Variants in BBX observed in about 807,000 individuals in gnomAD.
The protein encoded by BBX is HMG box transcription factor BBX.
In BBX, 30 loss-of-function variants were observed where a neutral mutation model predicts 100.2. That is an observed-to-expected ratio of 0.30 (90% CI 0.22 to 0.41). BBX has a LOEUF of 0.41. BBX is among the 10% of genes least tolerant of loss of function. BBX has a pLI of 1.00. For missense variants in BBX, 1,023 were observed against 1,129.8 expected (o/e 0.91, Z 1.35); for synonymous variants, 376 against 388.1 (o/e 0.97, Z 0.37).
intron 2 of BBX, among the ~76,000 whole-genome samples, chr3:107,539,481 T>G (rs2048728350): frequency 6.6e-6 from 1 of 152,126 alleles, no homozygotes; most frequent in African/African-American, 2.4e-5. Flanking sequence ...AATGCTTACT[T>G]AATCTATCAG....
intron 3 of BBX, among the ~76,000 whole-genome samples, chr3:107,687,427 G>A (rs1168817564): frequency 6.6e-6 from 1 of 151,998 alleles, no homozygotes; most frequent in Non-Finnish European, 1.5e-5. Context: ...ATGGAGAGGG[G>A]GGAATGGAGA....
At chr3:107,753,277 C>T (rs2065213535) in intron 9 of BBX, among the ~76,000 whole-genome samples, 1 of 152,138 alleles carries the variant, frequency 6.6e-6, no homozygotes, top group Non-Finnish European at 1.5e-5. Flanking sequence ...CCTTCCTTCC[C>T]TCAAATTAAG....
chr3:107,591,779 G>A (rs1464571838), intron 2 of BBX, among the ~76,000 whole-genome samples: 5 of 152,242 alleles, frequency 3.3e-5, no homozygotes, highest in South Asian at 2.1e-4. Context: ...TGAGCTGCCC[G>A]GCCAGTAAAT....
At chr3:107,798,287 T>C (rs1241112617) in intron 15 of BBX, among the ~76,000 whole-genome samples, 1 of 152,098 alleles carries the variant, frequency 6.6e-6, no homozygotes, top group Non-Finnish European at 1.5e-5. Context: ...ACTTAGAAAA[T>C]GTAAAAAAGA....
chr3:107,754,655 C>A (rs1307785685), intron 9 of BBX, among the ~76,000 whole-genome samples: 1 of 152,062 alleles, frequency 6.6e-6, no homozygotes, highest in Non-Finnish European at 1.5e-5. Context: ...TCTGTGGTCA[C>A]CTTTAAGGAT....
At chr3:107,724,160 A>G (rs977727134) in intron 5 of BBX, among the ~76,000 whole-genome samples, 25 of 152,222 alleles carry the variant, frequency 1.6e-4, no homozygotes, top group Non-Finnish European at 3.1e-4. Flanking sequence ...TCTGATGGCC[A>G]GTGATGGTGA....
intron 2 of BBX, among the ~76,000 whole-genome samples, chr3:107,587,446 C>T (rs569180721): frequency 6.6e-6 from 1 of 151,674 alleles, no homozygotes; most frequent in South Asian, 2.1e-4. Flanking sequence ...TTTAAATAAT[C>T]TACCCTAGAA....
At chr3:107,570,365 A>G (rs1238849823) in intron 2 of BBX, among the ~76,000 whole-genome samples, 2 of 152,132 alleles carry the variant, frequency 1.3e-5, no homozygotes, top group Non-Finnish European at 2.9e-5. Context: ...GGGTTGGGTA[A>G]TAAAATGCAT....
intron 3 of BBX, among the ~76,000 whole-genome samples, chr3:107,672,504 G>A (rs1216767002): frequency 6.6e-6 from 1 of 152,012 alleles, no homozygotes; most frequent in East Asian, 1.9e-4. Flanking sequence ...AAGCTGTGTT[G>A]TACTATCGCC....
chr3:107,660,469 A>C (rs1278958620), intron 3 of BBX, among the ~76,000 whole-genome samples: 1 of 147,734 alleles, frequency 6.8e-6, no homozygotes, highest in East Asian at 2.0e-4. Context: ...GCCATCATGT[A>C]ATTTTTTTAA....
intron 2 of BBX, among the ~76,000 whole-genome samples, chr3:107,581,817 T>C (rs1576380995): frequency 6.6e-6 from 1 of 152,194 alleles, no homozygotes; most frequent in South Asian, 2.1e-4. Flanking sequence ...CTATGTCCTC[T>C]AGGGAATAGT....
chr3:107,805,550 T>C lies in BBX; in HGVS notation c.*93T>C, dbSNP rs766788580. The C allele has an allele frequency of 2.2e-5, 35 of 1,604,940 alleles. No homozygotes were observed. In the Admixed American group the frequency reaches 3.4e-4, roughly 16 times the overall value. On this transcript the variant is annotated 3_prime_UTR_variant, in exon 18 of 18. Transcript: ENST00000325805. ...TAGTGAGTCCAAGTGGTGGAAAATATAGACTGCAAACAAGTGCTTGTTGCC... is the reference window on the plus strand; with the variant it reads ...TAGTGAGTCCAAGTGGTGGAAAATACAGACTGCAAACAAGTGCTTGTTGCC...
At chr3:107,603,418 G>A (rs1231297093) in intron 2 of BBX, among the ~76,000 whole-genome samples, 9 of 149,662 alleles carry the variant, frequency 6.0e-5, no homozygotes, top group Admixed American at 4.6e-4. Flanking sequence ...TCGCTCTGTC[G>A]CCCAGGCTGG....
At chr3:107,664,404 C>T (rs879365747) in intron 3 of BBX, among the ~76,000 whole-genome samples, 3 of 152,066 alleles carry the variant, frequency 2.0e-5, no homozygotes, top group Admixed American at 6.6e-5. Context: ...ATATGTTCAC[C>T]ATATCTTTAG....
intron 5 of BBX, among the ~76,000 whole-genome samples, chr3:107,721,295 A>C (rs1026027923): frequency 6.6e-6 from 1 of 152,008 alleles, no homozygotes; most frequent in African/African-American, 2.4e-5. Context: ...TGTTTTGTCT[A>C]TATAGTAATT....
chr3:107,589,450 A>T (rs1198406923), intron 2 of BBX, among the ~76,000 whole-genome samples: 1 of 152,156 alleles, frequency 6.6e-6, no homozygotes, highest in Non-Finnish European at 1.5e-5. Context: ...TTGCTTCCAG[A>T]TTACCCTATT....
chr3:107,575,751 C>G (rs1576361494), intron 2 of BBX, among the ~76,000 whole-genome samples: 1 of 151,870 alleles, frequency 6.6e-6, no homozygotes, highest in East Asian at 1.9e-4. Flanking sequence ...TAAATAATTT[C>G]AATAGGCAGT....
intron 3 of BBX, among the ~76,000 whole-genome samples, chr3:107,681,807 T>C (rs1232905201): frequency 6.6e-6 from 1 of 152,116 alleles, no homozygotes; most frequent in Non-Finnish European, 1.5e-5. Context: ...GTGGATAGTT[T>C]TACTCAGTTG....
chr3:107,606,763 A>G (rs1283393280), intron 2 of BBX, among the ~76,000 whole-genome samples: 3 of 152,190 alleles, frequency 2.0e-5, no homozygotes, highest in East Asian at 3.8e-4. Flanking sequence ...TGGGGTATCC[A>G]TCACCTCAAG....
Sources: gnomAD v4.1 joint callset for allele counts (sites outside exome capture counted in the v4.1 genomes callset) on GRCh38, gnomAD v4.1.1 for gene constraint, MANE v1.5 for transcripts, NCBI Gene and HGNC (gene_info 2026-07-23, HGNC 2026-07-21) for gene names.